Variants in NRAP observed in about 807,000 individuals in gnomAD.
NRAP encodes nebulin related anchoring protein, also known as nebulin-related-anchoring protein.
In NRAP, 189 loss-of-function variants were observed where a neutral mutation model predicts 225.9. That is an observed-to-expected ratio of 0.84 (90% CI 0.74 to 0.94). The LOEUF (loss-of-function observed/expected upper bound fraction) is 0.94. NRAP is among the 40% of genes least tolerant of loss of function. The pLI is 0.00. For missense variants in NRAP, 2,176 were observed against 2,168.7 expected (o/e 1.00, Z -0.07); for synonymous variants, 769 against 790.7 (o/e 0.97, Z 0.46).
chr10:113,647,095 G>A, intron 9 of NRAP, 68 bp from the exon 10 acceptor site: 1 of 942,462 alleles, frequency 1.1e-6, no homozygotes, highest in Non-Finnish European at 1.8e-6. Flanking sequence ...TTCAGCAATG[G>A]TCACTCATAG....
intron 26 of NRAP, among the ~76,000 whole-genome samples, chr10:113,616,047 A>T (rs1486580109): frequency 6.6e-6 from 1 of 152,192 alleles, no homozygotes; most frequent in Admixed American, 6.5e-5. Context: ...CCCCTCAGTG[A>T]ACGCCCCACT....
intron 20 of NRAP, among the ~76,000 whole-genome samples, 156 bp from the exon 21 acceptor site, chr10:113,626,301 C>G (rs1476593076): frequency 6.6e-6 from 1 of 152,234 alleles, no homozygotes; most frequent in African/African-American, 2.4e-5. Context: ...CAGAACCACA[C>G]AGCCCTGAGA....
intron 35 of NRAP, among the ~76,000 whole-genome samples, chr10:113,604,373 C>G (rs1201278941): frequency 6.6e-6 from 1 of 152,136 alleles, no homozygotes; most frequent in Non-Finnish European, 1.5e-5. Context: ...GCTCAGCCTC[C>G]CAAAGTGTTG....
intron 3 of NRAP, among the ~76,000 whole-genome samples, chr10:113,661,528 A>C (rs1314899876): frequency 3.3e-5 from 5 of 152,060 alleles, no homozygotes; most frequent in Non-Finnish European, 7.4e-5. Context: ...AGAGTCTTTC[A>C]CCTCATGGGT....
In NRAP at chr10:113,663,351, C is replaced by T. The variant is rs753968668; in HGVS notation, c.167+1G>A. ...TAGTGGTGGGGGCATCAAACACTTA[C>T]GCGTGACAGTACGGCTTTTTCTGGT... On this transcript the variant is annotated splice_donor_variant, in intron 2 of 41. Coordinates refer to ENST00000359988, the MANE Select transcript of NRAP (RefSeq NM_198060.4). LOFTEE classifies it high-confidence loss of function. 48 of 1,587,140 alleles carry T rather than the reference C, an allele frequency of 3.0e-5. No homozygotes were observed. Among genetic ancestry groups the T allele is most frequent in the Middle Eastern group, 1.7e-4 (1 of 6,036 alleles).
At position 113,590,842 on chromosome 10, in the gene NRAP, C is replaced by T; in HGVS notation, c.4692G>A (p.Gly1564=). The change falls in exon 40 of 42, where the codon GGG becomes GGA. Residue 1564 remains glycine, a synonymous_variant. Transcript: ENST00000359988. ...TTGGGTCATCGTCGACACTGCGGTA[C>T]CCGATCTGCAGGCCTCGGTCCCGCA... is the stretch of plus-strand genomic sequence containing the variant. ...AFLRDRGLQI[G]YRSVDDDPRM... is the part of the protein sequence containing the mutation. 2 of 1,614,180 alleles carry T rather than the reference C, an allele frequency of 1.2e-6. No individual in the cohort carries two copies. The highest frequency in any genetic ancestry group is 2.2e-5 in the East Asian group (1 of 44,878).
intron 15 of NRAP, 78 bp from the exon 16 acceptor site, chr10:113,633,266 C>A (rs1282674472): frequency 2.5e-6 from 2 of 803,928 alleles, no homozygotes; most frequent in Admixed American, 3.8e-5. Context: ...CTCTTTCCCC[C>A]TTAGACCCAT....
chr10:113,640,043 G>A (rs1161650974), intron 14 of NRAP, among the ~76,000 whole-genome samples, 184 bp downstream of exon 14: 1 of 152,170 alleles, frequency 6.6e-6, no homozygotes, highest in African/African-American at 2.4e-5. Flanking sequence ...AAATCTAAGG[G>A]TGTGCAAACA....
chr10:113,604,609 C>G lies in NRAP; in HGVS notation c.4227G>C (p.Glu1409Asp). 1.9e-6 allele frequency: 3 copies of G among 1,611,540 alleles called. No homozygotes were observed. The highest frequency in any genetic ancestry group is 2.5e-6 in the Non-Finnish European group (3 of 1,177,906). The part of the protein sequence containing the change: ...WAKKAHALQS[E>D]LRYKSDLIGM... The stretch of plus-strand genomic sequence containing the variant: ...TTGCATTCCACAAGGCCACCCCTAC[C>G]TCACTCTGCAGGGCATGGGCTTTCT... Residue 1409 changes from glutamate (E) to aspartate (D), a missense_variant and splice_region_variant, in exon 35 of 42, where the codon GAG becomes GAC. This residue lies in a region of NRAP where 445 missense variants were observed against 426.1 expected (regional missense o/e 1.04). Transcript: ENST00000359988.
At chr10:113,614,690 T>C in intron 28 of NRAP, 149 bp downstream of exon 28, 1 of 631,118 alleles carries the variant, frequency 1.6e-6, no homozygotes, top group Non-Finnish European at 2.9e-6. Flanking sequence ...ATGTTCTTTC[T>C]CACTGGTCAT....
intron 38 of NRAP, among the ~76,000 whole-genome samples, chr10:113,592,647 AG>A (rs988661106): frequency 6.6e-6 from 1 of 152,174 alleles, no homozygotes; most frequent in Non-Finnish European, 1.5e-5. Flanking sequence ...TGCAGCTTCT[AG>A]GTGCCAGAAT....
intron 9 of NRAP, among the ~76,000 whole-genome samples, chr10:113,648,467 C>CTATATATATATATATATATA (rs1554867329): frequency 1.1e-5 from 1 of 87,360 alleles, no homozygotes; most frequent in Non-Finnish European, 2.2e-5. Flanking sequence ...CTCTCTCTCT[C>CTATATATATATATATATATA]TATATATATA....
In NRAP at chr10:113,647,014, T is replaced by G. The variant is rs1326038548; in HGVS notation, c.902A>C (p.Glu301Ala). Residue 301 changes from glutamate to alanine, a missense_variant, in exon 10 of 42, where the codon GAG becomes GCG. Coordinates refer to ENST00000359988, the MANE Select transcript of NRAP (RefSeq NM_198060.4). ...ADQYGQGYPEEYEEHRGKGSF... is the reference protein window; with the variant it reads ...ADQYGQGYPEAYEEHRGKGSF... Reference sequence around the variant, plus strand: ...GCCCTTTCCCCTGTGCTCCTCATACTCCTCCGGGTAACCCTGCCGGGTGCA... The same window carrying G: ...GCCCTTTCCCCTGTGCTCCTCATACGCCTCCGGGTAACCCTGCCGGGTGCA... 6.2e-7 allele frequency: 1 copy of G among 1,613,422 alleles called. No homozygotes were observed.
At chr10:113,601,419 T>A (rs1274269445) in intron 35 of NRAP, among the ~76,000 whole-genome samples, 1 of 152,232 alleles carries the variant, frequency 6.6e-6, no homozygotes, top group Non-Finnish European at 1.5e-5. Flanking sequence ...ATGGCTGCTA[T>A]CAAGCTGAAG....
At chr10:113,619,795 G>C (rs1016418776) in intron 25 of NRAP, among the ~76,000 whole-genome samples, 21 of 152,226 alleles carry the variant, frequency 1.4e-4, no homozygotes, top group African/African-American at 4.6e-4. Flanking sequence ...CAAACATAAA[G>C]AGCACGGGTG....
chr10:113,640,126 C>T (rs1348805734), intron 14 of NRAP, 101 bp downstream of exon 14: 164 of 681,602 alleles, frequency 2.4e-4, no homozygotes, highest in Non-Finnish European at 1.2e-4. Context: ...CTCTTATGAA[C>T]TGTTGTATCA....
chr10:113,612,662 C>T (rs1311929707), intron 29 of NRAP, among the ~76,000 whole-genome samples: 1 of 152,150 alleles, frequency 6.6e-6, no homozygotes, highest in Non-Finnish European at 1.5e-5. Context: ...GAAGAAGGCC[C>T]ATGGTTCCCT....
At chr10:113,592,871 T>C (rs912443996) in intron 38 of NRAP, among the ~76,000 whole-genome samples, 41 of 152,208 alleles carry the variant, frequency 2.7e-4, no homozygotes, top group Non-Finnish European at 1.2e-4. Context: ...ATTAAATTTA[T>C]TGTCAAGCAC....
At chr10:113,635,585 G>A (rs2134061919) in intron 14 of NRAP, among the ~76,000 whole-genome samples, 1 of 152,230 alleles carries the variant, frequency 6.6e-6, no homozygotes, top group South Asian at 2.1e-4. Flanking sequence ...GCACCACTAT[G>A]CCTGGCTAAT....
Sources: gnomAD v4.1 joint callset for allele counts (sites outside exome capture counted in the v4.1 genomes callset) on GRCh38, gnomAD v4.1.1 for gene constraint, gnomAD v4.1.1 regional missense constraint, MANE v1.5 for transcripts, NCBI Gene and HGNC (gene_info 2026-07-23, HGNC 2026-07-21) for gene names.